NRIP3: variants seen among roughly 807,000 people sequenced by gnomAD.
NRIP3 encodes the protein nuclear receptor interacting protein 3, also known as nuclear receptor-interacting protein 3.
Under a neutral mutation model 29.0 loss-of-function variants are expected in NRIP3, and 31 were observed. That is an observed-to-expected ratio of 1.07 (90% CI 0.80 to 1.44). NRIP3 has a LOEUF of 1.44. NRIP3 is among the 40% of genes most tolerant of loss of function. The pLI, the probability that NRIP3 is intolerant of heterozygous loss-of-function variation, is 0.00. For missense variants in NRIP3, 314 were observed against 297.9 expected, an observed-to-expected ratio of 1.05 and a Z score of -0.40; for synonymous variants, 131 against 118.3, an observed-to-expected ratio of 1.11 and a Z score of -0.70.
At position 8,985,888 on chromosome 11, in the gene NRIP3, G is replaced by C. The variant is rs1178349134; in HGVS notation, c.423-38C>G. The C allele has an allele frequency of 4.3e-6, 7 of 1,609,266 alleles. No homozygotes were observed. The East Asian group carries it at 1.6e-4, about 36-fold the overall frequency. ...GGAAGATACCAAAATCCCCTTGACA[G>C]AGATTCCTGGTAGAATCCTGCAATG... On this transcript the variant is annotated intron_variant, in intron 3 of 6. Coordinates refer to ENST00000309166, the MANE Select transcript of NRIP3 (RefSeq NM_020645.3).
At chr11:8,984,193 T>TG in intron 4 of NRIP3, 69 bp from the exon 5 acceptor site, 6 of 944,306 alleles carry the variant, frequency 6.4e-6, no homozygotes, top group Non-Finnish European at 8.7e-6. Flanking sequence ...GCCTAATCAC[T>TG]ATTAGGTTCC....
At chr11:8,984,758 G>C (rs918688822) in intron 4 of NRIP3, among the ~76,000 whole-genome samples, 3 of 151,948 alleles carry the variant, frequency 2.0e-5, no homozygotes, top group African/African-American at 7.3e-5. Context: ...TATGGCAAAG[G>C]AGTAAGTAAG....
In NRIP3 at chr11:9,002,354, C is replaced by A. The variant is rs151076684; in HGVS notation, c.174+1408G>T. ...AGGGAAAAGAGAGTTATCTCTTTTG[C>A]AGGAGCACATTTCAATCACTTATCA... is the stretch of plus-strand genomic sequence containing the variant. On this transcript the variant is annotated intron_variant, in intron 1 of 6. Transcript: ENST00000309166. Among the ~76,000 whole-genome samples the A allele has an allele frequency of 5.2e-3, 792 of 151,948 alleles. 12 individuals are homozygous for A. Among genetic ancestry groups the A allele is most frequent in the African/African-American group, 0.018 (765 of 41,438 alleles).
intron 4 of NRIP3, 129 bp downstream of exon 4, chr11:8,985,582 C>T: frequency 8.6e-7 from 1 of 1,162,594 alleles, no homozygotes; most frequent in Non-Finnish European, 1.2e-6. Context: ...ACAAGGTCTA[C>T]AGTACAAAAA....
chr11:8,988,367 A>G lies in NRIP3; in HGVS notation c.175-85T>C, dbSNP rs992343778. On this transcript the variant is annotated intron_variant, in intron 1 of 6. Transcript: ENST00000309166. ...CCCCCAGGTGCCATAAAAATAATGA[A>G]GGAGCCTCCCATAACTGAGCTCTAT... 48 of 1,110,586 alleles carry G rather than the reference A, an allele frequency of 4.3e-5. 1 individual carries two copies. In the Admixed American group the frequency reaches 1.1e-3, roughly 25 times the overall value. 68.8% of individuals were successfully genotyped at this position (1,110,586 alleles called of 1,614,324 possible). A position where few individuals can be genotyped will look rare whatever the true frequency, so the allele number is the denominator to read the frequency against.
rs746106838 is a variant in NRIP3 at position 8,984,005 on chromosome 11, A to T, written c.616-36T>A. On this transcript the variant is annotated intron_variant, in intron 5 of 6. Transcript: ENST00000309166. Reference sequence around the variant, plus strand: ...GTAACTTGTCAGTGATACCACTATGAGTTCCTGTGTAAGAGGATACCTGCC... The same window carrying T: ...GTAACTTGTCAGTGATACCACTATGTGTTCCTGTGTAAGAGGATACCTGCC... 3.7e-6 allele frequency: 6 copies of T among 1,604,822 alleles called. No individual in the cohort carries two copies. In the Admixed American group the frequency reaches 1.0e-4, roughly 27 times the overall value.
chr11:8,985,517 C>T (rs1854506438), intron 4 of NRIP3, among the ~76,000 whole-genome samples, 194 bp downstream of exon 4: 1 of 152,060 alleles, frequency 6.6e-6, no homozygotes, highest in African/African-American at 2.4e-5. Flanking sequence ...TGATTCTCAA[C>T]ATGTCTTGAA....
In NRIP3 at chr11:8,981,118, C is replaced by T. The variant is rs1342551461; in HGVS notation, c.*2427G>A. The T allele has an allele frequency of 6.6e-6, 1 of 152,184 alleles. No homozygotes were observed. Among genetic ancestry groups the T allele is most frequent in the East Asian group, 1.9e-4 (1 of 5,192 alleles). The allele number at this position is 152,184 out of a possible 1,614,324, so 9.4% of individuals were successfully genotyped here. ...CCCCAAAAATTAGACCCAGTGCTCC[C>T]TCATGCACATCAAGGAGATATGAGC... On this transcript the variant is annotated 3_prime_UTR_variant, in exon 7 of 7. Transcript: ENST00000309166.
intron 1 of NRIP3, among the ~76,000 whole-genome samples, chr11:9,001,577 AT>A (rs1320913859): frequency 1.3e-5 from 2 of 152,178 alleles, no homozygotes; most frequent in Admixed American, 1.3e-4. Flanking sequence ...TATTCAATTA[AT>A]TTTAACATCC....
At chr11:8,987,416 C>T in intron 3 of NRIP3, 132 bp downstream of exon 3, 1 of 715,358 alleles carries the variant, frequency 1.4e-6, no homozygotes, top group Non-Finnish European at 2.5e-6. Flanking sequence ...ATTCTGGTTC[C>T]AGCTGAGATC....
At chr11:9,001,947 G>GT (rs1436379752) in intron 1 of NRIP3, among the ~76,000 whole-genome samples, 2 of 152,270 alleles carry the variant, frequency 1.3e-5, no homozygotes, top group Non-Finnish European at 2.9e-5. Context: ...TCATACTCAA[G>GT]GCAATATCCT....
intron 1 of NRIP3, among the ~76,000 whole-genome samples, chr11:8,991,370 TC>T (rs1249325289): frequency 6.6e-6 from 1 of 152,242 alleles, no homozygotes; most frequent in Non-Finnish European, 1.5e-5. Flanking sequence ...TAAAAAGTAC[TC>T]ATAATATAGT....
chr11:8,983,823 C>T (rs1854461014), intron 6 of NRIP3, 52 bp downstream of exon 6: 9 of 1,463,606 alleles, frequency 6.1e-6, no homozygotes, highest in Middle Eastern at 1.8e-4. Context: ...CCACCCTGCT[C>T]GCAGCTGATG....
At chr11:9,002,923 C>T in intron 1 of NRIP3, among the ~76,000 whole-genome samples, 1 of 152,160 alleles carries the variant, frequency 6.6e-6, no homozygotes, top group East Asian at 1.9e-4. Context: ...TGAGGGATGA[C>T]AAATACAGTT....
intron 4 of NRIP3, among the ~76,000 whole-genome samples, chr11:8,984,555 GC>G (rs1854480104): frequency 6.6e-6 from 1 of 151,998 alleles, no homozygotes; most frequent in African/African-American, 2.4e-5. Context: ...GAGCCACCGC[GC>G]CTGGCCGAGC....
In NRIP3 at chr11:8,983,037, C is replaced by CT. The variant is rs1227700044; in HGVS notation, c.*507dup. On this transcript the variant is annotated 3_prime_UTR_variant, in exon 7 of 7. Coordinates refer to ENST00000309166, the MANE Select transcript of NRIP3 (RefSeq NM_020645.3). Reference sequence around the variant, plus strand: ...AGTTAAACTGTAATGGATAATGTCCCTGGGCTCTTTCACATAATCCATACT... The same window carrying CT: ...AGTTAAACTGTAATGGATAATGTCCCTTGGGCTCTTTCACATAATCCATACT... The CT allele has an allele frequency of 3.1e-5, 14 of 454,848 alleles. No individual in the cohort carries two copies. Among genetic ancestry groups the CT allele is most frequent in the South Asian group, 2.2e-4 (14 of 63,916 alleles). The allele number at this position is 454,848 out of a possible 1,614,324, so 28.2% of individuals were successfully genotyped here. A position where few individuals can be genotyped will look rare whatever the true frequency, so the allele number is the denominator to read the frequency against.
chr11:8,987,556 G>C lies in NRIP3; in HGVS notation c.414C>G (p.Asp138Glu). 6.2e-7 allele frequency: 1 copy of C among 1,613,304 alleles called. No homozygotes were observed. Among genetic ancestry groups the C allele is most frequent in the Non-Finnish European group, 8.5e-7 (1 of 1,179,268 alleles). ...LYNLISLACV[D>E]RLGLKEHVKS... ...CACAAGTGCCTACTTACCCCAATCT[G>C]TCCACACAGGCCAAAGAGATGAGAT... Residue 138 changes from aspartate to glutamate, a missense_variant, in exon 3 of 7, where the codon GAC (aspartate) becomes GAG (glutamate). Asp to Glu is a conservative substitution (Grantham distance 45). Transcript: ENST00000309166.
intron 3 of NRIP3, among the ~76,000 whole-genome samples, chr11:8,986,806 C>G (rs1180418008): frequency 6.6e-6 from 1 of 152,116 alleles, no homozygotes; most frequent in Admixed American, 6.6e-5. Flanking sequence ...ATTGCTTGAG[C>G]CCAGGAGTTG....
chr11:8,992,120 G>T (rs1171627441), intron 1 of NRIP3, among the ~76,000 whole-genome samples: 1 of 152,192 alleles, frequency 6.6e-6, no homozygotes, highest in Non-Finnish European at 1.5e-5. Flanking sequence ...AGCTGTAAAA[G>T]CAGTTGTACT....
Sources: gnomAD v4.1 joint callset for allele counts (sites outside exome capture counted in the v4.1 genomes callset) on GRCh38, gnomAD v4.1.1 for gene constraint, MANE v1.5 for transcripts, NCBI Gene and HGNC (gene_info 2026-07-23, HGNC 2026-07-21) for gene names.